GLG1: variants seen among roughly 807,000 people sequenced by gnomAD.
GLG1 encodes golgi glycoprotein 1.
GLG1 carries 38 observed loss-of-function variants against 160.5 expected under a neutral mutation model. The observed-to-expected ratio is 0.24, with a 90% CI of 0.18 to 0.31. GLG1 has a LOEUF of 0.31. Ranked by LOEUF, GLG1 falls within the 10% of genes least tolerant of loss-of-function variation. GLG1 has a pLI of 1.00. For synonymous variants in GLG1, 644 were observed against 543.4 expected (o/e 1.19, Z -2.57); for missense variants, 1,373 against 1,505.2 (o/e 0.91, Z 1.45).
chr16:74,549,521 C>T (rs1483111278), intron 1 of GLG1, among the ~76,000 whole-genome samples: 6 of 152,270 alleles, frequency 3.9e-5, no homozygotes, highest in East Asian at 1.9e-4. Flanking sequence ...CTCCTGACCT[C>T]GTGATCCGCC....
chr16:74,493,243 C>G (rs536091273), intron 6 of GLG1, 103 bp from the exon 7 acceptor site: 23 of 673,788 alleles, frequency 3.4e-5, no homozygotes, highest in Non-Finnish European at 5.6e-5. Context: ...TACATGTCAA[C>G]AACTGCAGTT....
intron 25 of GLG1, among the ~76,000 whole-genome samples, chr16:74,455,183 AG>A (rs1315457536): frequency 1.3e-5 from 2 of 152,208 alleles, no homozygotes; most frequent in African/African-American, 4.8e-5. Context: ...CCTTGATGGT[AG>A]CCTGCTATGG....
intron 1 of GLG1, among the ~76,000 whole-genome samples, chr16:74,581,744 G>C (rs1024516873): frequency 1.3e-5 from 2 of 151,850 alleles, no homozygotes; most frequent in East Asian, 1.9e-4. Flanking sequence ...AACCCCGTCT[G>C]TACTAAAAAT....
intron 4 of GLG1, among the ~76,000 whole-genome samples, chr16:74,501,414 T>C (rs1469082260): frequency 2.6e-5 from 4 of 152,248 alleles, no homozygotes; most frequent in Non-Finnish European, 5.9e-5. Context: ...TTTCTATCTT[T>C]AGTCCATAGG....
chr16:74,479,570 A>G (rs1259033739), intron 11 of GLG1, among the ~76,000 whole-genome samples: 1 of 152,188 alleles, frequency 6.6e-6, no homozygotes, highest in Non-Finnish European at 1.5e-5. Context: ...TGAGATAGCC[A>G]GGCTTTTGCA....
intron 1 of GLG1, among the ~76,000 whole-genome samples, chr16:74,584,944 A>G (rs1021501285): frequency 6.6e-6 from 1 of 152,026 alleles, no homozygotes; most frequent in Non-Finnish European, 1.5e-5. Context: ...ACCCCTACAC[A>G]CTGGGTACAG....
At chr16:74,456,335 G>A (rs1363953956) in intron 25 of GLG1, among the ~76,000 whole-genome samples, 3 of 152,174 alleles carry the variant, frequency 2.0e-5, no homozygotes, top group Admixed American at 1.3e-4. Context: ...CATGTTTACT[G>A]TTTTTTAGTA....
intron 1 of GLG1, among the ~76,000 whole-genome samples, chr16:74,599,799 G>C (rs1958396169): frequency 6.6e-6 from 1 of 151,946 alleles, no homozygotes; most frequent in Non-Finnish European, 1.5e-5. Context: ...GGGAGGTAGA[G>C]CTTGCAGTGA....
intron 4 of GLG1, among the ~76,000 whole-genome samples, chr16:74,502,538 G>C (rs946724475): frequency 6.6e-6 from 1 of 151,564 alleles, no homozygotes; most frequent in Non-Finnish European, 1.5e-5. Context: ...AGTGTGCTAA[G>C]TAATTTTTTT....
At chr16:74,542,536 T>G (rs2017901960) in intron 1 of GLG1, among the ~76,000 whole-genome samples, 1 of 151,234 alleles carries the variant, frequency 6.6e-6, no homozygotes, top group African/African-American at 2.4e-5. Context: ...CTGGGCATGG[T>G]AGCAGGTACC....
At chr16:74,591,205 C>A (rs1159189713) in intron 1 of GLG1, among the ~76,000 whole-genome samples, 1 of 152,000 alleles carries the variant, frequency 6.6e-6, no homozygotes, top group Admixed American at 6.6e-5. Flanking sequence ...TTGGCATGCA[C>A]CTGTAGTCCC....
At chr16:74,470,173 A>C (rs1306829160) in intron 15 of GLG1, 100 bp from the exon 16 acceptor site, 3 of 757,834 alleles carry the variant, frequency 4.0e-6, no homozygotes, top group East Asian at 2.5e-5. Context: ...GCCTGTTTAC[A>C]AGACCCTGCA....
intron 3 of GLG1, among the ~76,000 whole-genome samples, chr16:74,505,551 C>T (rs1179366243): frequency 6.6e-6 from 1 of 152,172 alleles, no homozygotes; most frequent in South Asian, 2.1e-4. Context: ...GAAACCCCAT[C>T]TCTACTAAAA....
Position 74,480,236 on chromosome 16 carries a change from C to CA in GLG1, c.1827+4dup. ...GAAGAAATGAAGTCGATATTCACTG[C>CA]ATACCCTCCTTCCCTGTTCCTCAGT... On this transcript the variant is annotated splice_donor_region_variant and intron_variant, in intron 11 of 25. Coordinates refer to ENST00000422840, the MANE Select transcript of GLG1 (RefSeq NM_001145667.2). 6.3e-7 allele frequency: 1 copy of CA among 1,599,708 alleles called. No individual in the cohort carries two copies. Among genetic ancestry groups the CA allele is most frequent in the Non-Finnish European group, 8.6e-7 (1 of 1,167,110 alleles).
In GLG1 at chr16:74,496,438, C is replaced by T. The variant is rs2016190867; in HGVS notation, c.978+3G>A. 3 of 1,597,916 alleles carry T rather than the reference C, an allele frequency of 1.9e-6. No homozygotes were observed. The highest frequency in any genetic ancestry group is 2.6e-6 in the Non-Finnish European group (3 of 1,165,436). ...GAAAAGAACAGTTTCTGAGCTGACT[C>T]ACATTTTCACAAAAACGCTCCCGAT... On this transcript the variant is annotated splice_donor_region_variant and intron_variant, in intron 5 of 25. Transcript: ENST00000422840.
intron 8 of GLG1, among the ~76,000 whole-genome samples, chr16:74,490,550 C>T (rs950706020): frequency 2.7e-4 from 41 of 152,178 alleles, no homozygotes. Flanking sequence ...AAATTAGTAA[C>T]AGAAAAAATT....
intron 16 of GLG1, 33 bp from the exon 17 acceptor site, chr16:74,469,096 G>T: frequency 6.9e-7 from 1 of 1,443,152 alleles, no homozygotes; most frequent in Non-Finnish European, 9.8e-7. Context: ...GCTGGCTGGG[G>T]CCACACAAGG....
At chr16:74,580,959 C>G (rs1027954529) in intron 1 of GLG1, among the ~76,000 whole-genome samples, 1 of 152,090 alleles carries the variant, frequency 6.6e-6, no homozygotes, top group Non-Finnish European at 1.5e-5. Context: ...GGCAACAGAG[C>G]GAGACTACGT....
At chr16:74,478,505 C>T (rs1353248429) in intron 11 of GLG1, among the ~76,000 whole-genome samples, 3 of 152,154 alleles carry the variant, frequency 2.0e-5, no homozygotes, top group African/African-American at 7.2e-5. Flanking sequence ...TGGAAAGTAA[C>T]TGTTTAATGA....
Sources: allele counts gnomAD v4.1 joint callset (sites outside exome capture counted in the v4.1 genomes callset), GRCh38; gene constraint gnomAD v4.1.1; transcripts MANE v1.5; gene names NCBI Gene and HGNC (gene_info 2026-07-23, HGNC 2026-07-21).